Variants in INSC observed in about 807,000 individuals in gnomAD.
INSC encodes INSC spindle orientation adaptor protein, also known as protein inscuteable homolog.
Under a neutral mutation model 58.6 loss-of-function variants are expected in INSC, and 67 were observed. That is an observed-to-expected ratio of 1.14 (90% CI 0.94 to 1.40). INSC has a LOEUF of 1.40. Among genes scored for constraint, INSC ranks in the 40% most tolerant of loss-of-function variants. The pLI, the probability that INSC is intolerant of heterozygous loss-of-function variation, is 0.00. For missense variants in INSC, 714 were observed against 692.0 expected (o/e 1.03, Z -0.36); for synonymous variants, 262 against 276.1 (o/e 0.95, Z 0.51).
At chr11:15,233,180 T>A (rs1851989262) in intron 9 of INSC, among the ~76,000 whole-genome samples, 1 of 152,208 alleles carries the variant, frequency 6.6e-6, no homozygotes, top group African/African-American at 2.4e-5. Context: ...CTCAAGGTGA[T>A]GTCCTCTGGA....
At chr11:15,235,575 C>G (rs1247399275) in intron 9 of INSC, 27 bp from the exon 10 acceptor site, 13 of 1,593,892 alleles carry the variant, frequency 8.2e-6, no homozygotes, top group Admixed American at 1.7e-5. Flanking sequence ...TGCTCATTTT[C>G]TGAGGTTTCT....
intron 6 of INSC, among the ~76,000 whole-genome samples, chr11:15,198,779 C>T (rs1322132332): frequency 1.3e-5 from 2 of 151,994 alleles, no homozygotes; most frequent in Admixed American, 6.6e-5. Flanking sequence ...TAAAGAGTAA[C>T]TTGGTTTTCC....
At chr11:15,138,483 G>A (rs1226753186) in intron 1 of INSC, among the ~76,000 whole-genome samples, 1 of 152,236 alleles carries the variant, frequency 6.6e-6, no homozygotes, top group Non-Finnish European at 1.5e-5. Flanking sequence ...GAGCTTTGGA[G>A]GGGAAACACT....
At position 15,130,168 on chromosome 11, in the gene INSC, T is replaced by C. The variant is rs1290368181; in HGVS notation, c.-46+15165T>C. Among the ~76,000 whole-genome samples the C allele has an allele frequency of 2.6e-5, 4 of 152,254 alleles. No individual in the cohort carries two copies. In the East Asian group the frequency reaches 7.7e-4, roughly 29 times the overall value. Reference sequence around the variant, plus strand: ...CTGGGCATCTTTATTTTGTTTCTGATCTCACAGGAAATGCTTTCATTCAAC... The same window carrying C: ...CTGGGCATCTTTATTTTGTTTCTGACCTCACAGGAAATGCTTTCATTCAAC... On this transcript the variant is annotated intron_variant, in intron 1 of 12. Coordinates refer to ENST00000379556, the MANE Select transcript of INSC (RefSeq NM_001042536.3).
At chr11:15,170,171 A>AT (rs1849347706) in intron 2 of INSC, among the ~76,000 whole-genome samples, 1 of 151,812 alleles carries the variant, frequency 6.6e-6, no homozygotes, top group South Asian at 2.1e-4. Context: ...TCATATTGTT[A>AT]TTTTTTGTTT....
At chr11:15,252,568 A>C in the INSC span, among the ~76,000 whole-genome samples, 1 of 152,238 alleles carries the variant, frequency 6.6e-6, no homozygotes, top group African/African-American at 2.4e-5. Flanking sequence ...CGTCCTCTTG[A>C]TATGGCTTTT....
At chr11:15,112,081 G>A (rs530583284), upstream of INSC, among the ~76,000 whole-genome samples, 8 of 152,340 alleles carry the variant, frequency 5.3e-5, no homozygotes, top group Middle Eastern at 3.4e-3. Flanking sequence ...CTTGCTGCTG[G>A]TGTGTGTATA....
At chr11:15,201,352 G>T (rs960165947) in intron 7 of INSC, among the ~76,000 whole-genome samples, 2 of 152,178 alleles carry the variant, frequency 1.3e-5, no homozygotes, top group Non-Finnish European at 1.5e-5. Flanking sequence ...GACTGGGCAA[G>T]AGCAGGGCAG....
chr11:15,156,596 T>C (rs1848822356), intron 2 of INSC, among the ~76,000 whole-genome samples: 1 of 152,202 alleles, frequency 6.6e-6, no homozygotes, highest in Admixed American at 6.5e-5. Context: ...GAGAATGTAA[T>C]AAGTACCCAA....
chr11:15,239,855 C>A (rs992567704), intron 11 of INSC, among the ~76,000 whole-genome samples: 6 of 152,054 alleles, frequency 3.9e-5, no homozygotes, highest in African/African-American at 1.4e-4. Context: ...AAGGGCTCTT[C>A]GGGAAGAAGC....
At chr11:15,199,137 G>A (rs1300782404) in intron 6 of INSC, among the ~76,000 whole-genome samples, 2 of 152,110 alleles carry the variant, frequency 1.3e-5, no homozygotes, top group Non-Finnish European at 2.9e-5. Flanking sequence ...TATTGTGGAC[G>A]GGACTGAAGC....
intron 6 of INSC, among the ~76,000 whole-genome samples, chr11:15,193,010 G>A (rs762747341): frequency 2.6e-5 from 4 of 152,172 alleles, no homozygotes; most frequent in Non-Finnish European, 5.9e-5. Context: ...AAATGAAGAC[G>A]CTGAGGAACA....
rs577247866 is a variant in INSC, at chr11:15,139,210, T to C, written c.-45-9920T>C. On this transcript the variant is annotated intron_variant, in intron 1 of 12. Coordinates refer to ENST00000379556, the MANE Select transcript of INSC (RefSeq NM_001042536.3). Reference sequence around the variant, plus strand: ...AGTATGATTTATGAAACAGGATGTATCCAAATTTTCACCACGTTGGAGCGA... The same window carrying C: ...AGTATGATTTATGAAACAGGATGTACCCAAATTTTCACCACGTTGGAGCGA... 2.0e-5 allele frequency among the ~76,000 whole-genome samples: 3 copies of C among 152,312 alleles called. No homozygotes were observed. In the East Asian group the frequency reaches 5.8e-4, roughly 29 times the overall value.
Position 15,246,641 on chromosome 11 carries a change from G to C in INSC, c.*601G>C, listed in dbSNP as rs1393002825. The C allele has an allele frequency of 6.6e-6, 1 of 152,444 alleles. No individual in the cohort carries two copies. The highest frequency in any genetic ancestry group is 2.4e-5 in the African/African-American group (1 of 41,346). The allele number at this position is 152,444 out of a possible 1,614,324, so 9.4% of individuals were successfully genotyped here. ...CACACAGAATTGTCTTGTTTTCATA[G>C]GTGTATAAATAGGTTAAGTTCTGAG... On this transcript the variant is annotated 3_prime_UTR_variant, in exon 13 of 13. Transcript: ENST00000379556.
chr11:15,117,671 C>T (rs889822318), intron 1 of INSC, among the ~76,000 whole-genome samples: 1 of 152,174 alleles, frequency 6.6e-6, no homozygotes, highest in Non-Finnish European at 1.5e-5. Context: ...AAATGAAAAA[C>T]CAGCAATTAA....
intron 9 of INSC, among the ~76,000 whole-genome samples, chr11:15,226,558 G>T (rs1440458712): frequency 6.6e-6 from 1 of 152,122 alleles, no homozygotes; most frequent in Non-Finnish European, 1.5e-5. Context: ...TGGTAGATTA[G>T]GTGGTCTCTG....
At chr11:15,117,887 G>A (rs1043764361) in intron 1 of INSC, among the ~76,000 whole-genome samples, 6 of 152,182 alleles carry the variant, frequency 3.9e-5, no homozygotes, top group African/African-American at 1.4e-4. Context: ...AGACAAGGGG[G>A]ATAGTTGAGA....
chr11:15,114,045 G>A (rs990132752), upstream of INSC, among the ~76,000 whole-genome samples: 2 of 151,946 alleles, frequency 1.3e-5, no homozygotes. Flanking sequence ...GAGACCAGGG[G>A]CTGCCTTTGC....
chr11:15,269,310 C>T, the INSC span, among the ~76,000 whole-genome samples: 229 of 152,094 alleles, frequency 1.5e-3, no homozygotes, highest in African/African-American at 4.6e-3. Context: ...GGTTATGAGA[C>T]TTCATGGCTT....
Sources: allele counts gnomAD v4.1 joint callset (sites outside exome capture counted in the v4.1 genomes callset), GRCh38; gene constraint gnomAD v4.1.1; transcripts MANE v1.5; gene names NCBI Gene and HGNC (gene_info 2026-07-23, HGNC 2026-07-21).